The following NELL1 variants were observed in gnomAD, a reference collection of about 807,000 sequenced individuals.
NELL1 encodes neural EGFL like 1.
A neutral mutation model predicts 107.4 loss-of-function variants in NELL1; 76 were observed. The observed-to-expected ratio is 0.71, with a 90% CI of 0.59 to 0.86. NELL1 has a LOEUF of 0.86. NELL1 is among the 40% of genes least tolerant of loss of function. The probability of loss-of-function intolerance (pLI) is 0.00; values close to 1 mark genes in which losing one functional copy is unlikely to be tolerated. For synonymous variants in NELL1, 353 were observed against 341.2 expected (o/e 1.03, Z -0.38); for missense variants, 1,024 against 1,005.5 (o/e 1.02, Z -0.25).
chr11:20,861,546 C>G (rs1848979316), intron 4 of NELL1, among the ~76,000 whole-genome samples: 1 of 152,182 alleles, frequency 6.6e-6, no homozygotes, highest in Non-Finnish European at 1.5e-5. Context: ...AGCCCCTGCC[C>G]TTGAATCAGC....
intron 2 of NELL1, among the ~76,000 whole-genome samples, chr11:20,755,262 C>G (rs1856234906): frequency 6.6e-6 from 1 of 152,156 alleles, no homozygotes; most frequent in African/African-American, 2.4e-5. Context: ...TGAGAGAATG[C>G]TGCCAATCAC....
intron 14 of NELL1, among the ~76,000 whole-genome samples, chr11:21,293,187 G>A (rs1229507494): frequency 1.3e-5 from 2 of 151,972 alleles, no homozygotes; most frequent in African/African-American, 4.8e-5. Context: ...ATCTGACAAA[G>A]GGCTAATATC....
chr11:20,703,617 T>C (rs1490385085), intron 2 of NELL1, among the ~76,000 whole-genome samples: 2 of 152,244 alleles, frequency 1.3e-5, no homozygotes, highest in Admixed American at 1.3e-4. Context: ...TTTAGATCTT[T>C]CCTGCTTTCT....
chr11:20,681,106 C>T (rs1038651015), intron 2 of NELL1, among the ~76,000 whole-genome samples: 3 of 152,212 alleles, frequency 2.0e-5, no homozygotes, highest in South Asian at 2.1e-4. Context: ...TTAACCACAA[C>T]GTGGCTCTAG....
chr11:21,341,752 T>C (rs912444307), intron 14 of NELL1, among the ~76,000 whole-genome samples: 1 of 152,218 alleles, frequency 6.6e-6, no homozygotes, highest in African/African-American at 2.4e-5. Context: ...TTGTGTATAA[T>C]CTATACTGGT....
chr11:21,206,776 A>G (rs1357286733), intron 13 of NELL1, among the ~76,000 whole-genome samples: 1 of 152,134 alleles, frequency 6.6e-6, no homozygotes, highest in Admixed American at 6.5e-5. Flanking sequence ...AAAGAACAAC[A>G]TGTTCATACT....
At chr11:21,540,060 T>C (rs2133977333) in intron 16 of NELL1, among the ~76,000 whole-genome samples, 2 of 152,184 alleles carry the variant, frequency 1.3e-5, no homozygotes, top group Non-Finnish European at 2.9e-5. Flanking sequence ...TATAAATTCA[T>C]AATATTTTTG....
At chr11:20,726,861 C>G (rs1235017128) in intron 2 of NELL1, among the ~76,000 whole-genome samples, 3 of 151,792 alleles carry the variant, frequency 2.0e-5, no homozygotes, top group Non-Finnish European at 2.9e-5. Flanking sequence ...GTTTTCTGTC[C>G]TTGTGATAGT....
chr11:21,308,166 C>A (rs1296661418), intron 14 of NELL1, among the ~76,000 whole-genome samples: 1 of 151,980 alleles, frequency 6.6e-6, no homozygotes. Flanking sequence ...TAGGAAATAC[C>A]TCGTGGGGTT....
intron 15 of NELL1, among the ~76,000 whole-genome samples, chr11:21,460,672 A>T (rs774490297): frequency 1.3e-4 from 20 of 152,070 alleles, no homozygotes; most frequent in Non-Finnish European, 2.6e-4. Context: ...TTAGCCCTCC[A>T]TGGTGTAGAG....
chr11:20,721,328 G>A lies in NELL1; in HGVS notation c.184+43268G>A, dbSNP rs151233033. ...TTTTGTATCAACAGGAAGACTGGAT[G>A]TTGTTGCAACAACCCTCAAATCTCA... On this transcript the variant is annotated intron_variant, in intron 2 of 19. Coordinates refer to ENST00000357134, the MANE Select transcript of NELL1 (RefSeq NM_006157.5). Among the ~76,000 whole-genome samples the A allele has an allele frequency of 5.0e-4, 76 of 151,528 alleles. 1 individual carries two copies. The East Asian group carries it at 0.014, about 28-fold the overall frequency.
intron 12 of NELL1, among the ~76,000 whole-genome samples, chr11:21,027,472 C>CATG (rs1852843412): frequency 6.6e-6 from 1 of 151,096 alleles, no homozygotes. Flanking sequence ...CCAGAATAAA[C>CATG]AAATCCATAA....
chr11:21,452,868 T>G (rs1853622576), intron 15 of NELL1, among the ~76,000 whole-genome samples: 1 of 151,982 alleles, frequency 6.6e-6, no homozygotes, highest in South Asian at 2.1e-4. Flanking sequence ...TATCTTTATT[T>G]TTATTTAATT....
chr11:21,534,057 T>C (rs974835640), intron 15 of NELL1, among the ~76,000 whole-genome samples: 47 of 152,126 alleles, frequency 3.1e-4, no homozygotes, highest in Admixed American at 1.8e-3. Context: ...AAAAAAGTCA[T>C]ATACACCCAA....
chr11:20,845,973 C>T (rs7114248), intron 3 of NELL1, among the ~76,000 whole-genome samples: 47,419 of 152,004 alleles, frequency 0.31, 8,149 homozygotes, highest in African/African-American at 0.45. Context: ...CTAAGTTCTC[C>T]GATTGTTTGA....
At position 21,534,294 on chromosome 11, in the gene NELL1, G is replaced by A. The variant is rs941007256; in HGVS notation, c.1646-80G>A. 28 of 1,510,392 alleles carry A rather than the reference G, an allele frequency of 1.9e-5. No individual in the cohort carries two copies. In the East Asian group the frequency reaches 2.5e-4, roughly 13 times the overall value. The allele number at this position is 1,510,392 out of a possible 1,614,324, so 93.6% of individuals were successfully genotyped here. ...AGTTTTAATTGATATGTTGACATGAGCATGTTTTAGGCATTTCCTGAAAGG... is the reference window on the plus strand; with the variant it reads ...AGTTTTAATTGATATGTTGACATGAACATGTTTTAGGCATTTCCTGAAAGG... On this transcript the variant is annotated intron_variant, in intron 15 of 19. Transcript: ENST00000357134.
At chr11:20,945,082 C>G (rs1850935501) in intron 10 of NELL1, among the ~76,000 whole-genome samples, 1 of 152,104 alleles carries the variant, frequency 6.6e-6, no homozygotes, top group African/African-American at 2.4e-5. Context: ...TTTTTGACAG[C>G]AAGAGTGAAA....
At chr11:20,713,802 C>G (rs1371370667) in intron 2 of NELL1, among the ~76,000 whole-genome samples, 1 of 152,160 alleles carries the variant, frequency 6.6e-6, no homozygotes, top group Non-Finnish European at 1.5e-5. Flanking sequence ...GGGATGGCTT[C>G]CCTGGATTTC....
intron 14 of NELL1, among the ~76,000 whole-genome samples, chr11:21,363,170 C>T (rs1851124140): frequency 6.6e-6 from 1 of 152,172 alleles, no homozygotes; most frequent in South Asian, 2.1e-4. Context: ...TTCCTTTGCC[C>T]CAAGACCCTT....
Sources: gnomAD v4.1 joint callset for allele counts (sites outside exome capture counted in the v4.1 genomes callset) on GRCh38, gnomAD v4.1.1 for gene constraint, MANE v1.5 for transcripts, NCBI Gene and HGNC (gene_info 2026-07-23, HGNC 2026-07-21) for gene names.